SLC35A3: variants seen among roughly 807,000 people sequenced by gnomAD.
SLC35A3 encodes UDP-N-acetylglucosamine transporter.
Under a neutral mutation model 39.0 loss-of-function variants are expected in SLC35A3, and 26 were observed. That is an observed-to-expected ratio of 0.67 (90% CI 0.49 to 0.92). The LOEUF (loss-of-function observed/expected upper bound fraction) is 0.92, where lower values mean the gene tolerates loss of function less well. Among genes scored for constraint, SLC35A3 ranks in the 40% least tolerant of loss-of-function variants. The pLI is 0.00. For synonymous variants in SLC35A3, 135 were observed against 133.1 expected (o/e 1.01, Z -0.10); for missense variants, 299 against 371.6 (o/e 0.80, Z 1.61).
chr1:100,007,282 A>T (rs927066196), intron 4 of SLC35A3, 126 bp downstream of exon 4: 2 of 834,708 alleles, frequency 2.4e-6, no homozygotes, highest in African/African-American at 3.5e-5. Context: ...CACAACTAAC[A>T]TATGTTTTGA....
chr1:99,987,064 A>G (rs901502777), intron 1 of SLC35A3, among the ~76,000 whole-genome samples: 2 of 152,310 alleles, frequency 1.3e-5, no homozygotes, highest in Non-Finnish European at 2.9e-5. Flanking sequence ...CTCTCCTTCC[A>G]TATAGAGATA....
chr1:100,005,856 G>A (rs908519698), intron 3 of SLC35A3, among the ~76,000 whole-genome samples: 2 of 152,022 alleles, frequency 1.3e-5, no homozygotes, highest in African/African-American at 4.8e-5. Context: ...TTTTCATTGG[G>A]ATGTGTTACT....
chr1:99,974,647 C>G (rs1037327779), intron 1 of SLC35A3, among the ~76,000 whole-genome samples: 16 of 152,148 alleles, frequency 1.1e-4, no homozygotes, highest in Non-Finnish European at 1.9e-4. Flanking sequence ...ACAGGCTTTA[C>G]TGCAAAGACT....
intron 1 of SLC35A3, among the ~76,000 whole-genome samples, chr1:99,992,556 T>C (rs1158803144): frequency 6.6e-6 from 1 of 152,180 alleles, no homozygotes; most frequent in Non-Finnish European, 1.5e-5. Flanking sequence ...AGGGTACATA[T>C]GAACTCTTGT....
At chr1:100,002,184 A>G (rs552226791) in intron 3 of SLC35A3, among the ~76,000 whole-genome samples, 7 of 152,176 alleles carry the variant, frequency 4.6e-5, no homozygotes, top group African/African-American at 1.7e-4. Context: ...GTTTGAGGAG[A>G]ATTGGTGTTA....
intron 1 of SLC35A3, among the ~76,000 whole-genome samples, chr1:99,971,245 G>A (rs1487454885): frequency 6.6e-6 from 1 of 151,992 alleles, no homozygotes; most frequent in African/African-American, 2.4e-5. Context: ...TATTATTTAG[G>A]GAGGCTTCAG....
Position 100,028,914 on chromosome 1 carries a change from GT to G in SLC35A3, c.*6439del, listed in dbSNP as rs931055358. The G allele has an allele frequency of 3.9e-5, 6 of 152,252 alleles. No individual in the cohort carries two copies. The highest frequency in any genetic ancestry group is 1.4e-4 in the African/African-American group (6 of 41,450). The allele number at this position is 152,252 out of a possible 1,614,324, so 9.4% of individuals were successfully genotyped here. A position where few individuals can be genotyped will look rare whatever the true frequency, so the allele number is the denominator to read the frequency against. ...TACAAATTAAAACCAGCCAAAGGAA[GT>G]GACACATAAAACAGAGTCTAGGAGT... On this transcript the variant is annotated 3_prime_UTR_variant, in exon 8 of 8. Coordinates refer to ENST00000533028, the MANE Select transcript of SLC35A3 (RefSeq NM_012243.3).
rs1048777728 is a variant in SLC35A3, at chr1:100,035,629, A to G, written c.*13153A>G. On this transcript the variant is annotated 3_prime_UTR_variant, in exon 8 of 8. Transcript: ENST00000533028. The stretch of plus-strand genomic sequence containing the variant: ...CCTGGCATCTAATAAAACACTGACA[A>G]CACAAGCACCCAGTAAATATTTTTT... 2.0e-5 allele frequency: 3 copies of G among 152,238 alleles called. No individual in the cohort carries two copies. Among genetic ancestry groups the G allele is most frequent in the Non-Finnish European group, 4.4e-5 (3 of 68,040 alleles). The allele number at this position is 152,238 out of a possible 1,614,324, so 9.4% of individuals were successfully genotyped here. A position where few individuals can be genotyped will look rare whatever the true frequency, so the allele number is the denominator to read the frequency against.
rs1553205151 is a variant in SLC35A3, at chr1:100,022,457, G to A, written c.959G>A (p.Gly320Glu). 4 of 1,593,808 alleles carry A rather than the reference G, an allele frequency of 2.5e-6. No homozygotes were observed. Among genetic ancestry groups the A allele is most frequent in the Admixed American group, 1.7e-5 (1 of 59,428 alleles). ...TATGGTTATGATCCCAAACCTGCAG[G>A]AAATCCCACTAAAGCATAGTTGTAT... is the stretch of plus-strand genomic sequence containing the variant. ...FLYGYDPKPA[G>E]NPTKA The change falls in exon 8 of 8, where the codon GGA becomes GAA. Residue 320 changes from glycine to glutamate, a missense_variant. By Grantham distance (98) the Gly-to-Glu change is moderately conservative. Coordinates refer to ENST00000533028, the MANE Select transcript of SLC35A3 (RefSeq NM_012243.3).
Position 100,007,997 on chromosome 1 carries a change from G to C in SLC35A3, c.465+841G>C, listed in dbSNP as rs2101323540. 1.3e-5 allele frequency: 2 copies of C among 149,862 alleles called. 1 individual carries two copies. The highest frequency in any genetic ancestry group is 4.2e-4 in the South Asian group (2 of 4,718). 9.3% of individuals were successfully genotyped at this position (149,862 alleles called of 1,614,324 possible). A position where few individuals can be genotyped will look rare whatever the true frequency, so the allele number is the denominator to read the frequency against. Reference sequence around the variant, plus strand: ...GAGATGGAGTCTTGCTCTGTCCCAGGCTGGAAGGCAGTGGTACAATCTCAG... The same window carrying C: ...GAGATGGAGTCTTGCTCTGTCCCAGCCTGGAAGGCAGTGGTACAATCTCAG... On this transcript the variant is annotated intron_variant, in intron 4 of 7. Coordinates refer to ENST00000533028, the MANE Select transcript of SLC35A3 (RefSeq NM_012243.3).
chr1:99,985,941 A>G (rs1657717832), intron 1 of SLC35A3, among the ~76,000 whole-genome samples: 1 of 152,130 alleles, frequency 6.6e-6, no homozygotes, highest in Admixed American at 6.5e-5. Flanking sequence ...ACTTTGCTGA[A>G]TTCATTTATC....
intron 2 of SLC35A3, 36 bp downstream of exon 2, chr1:99,993,777 A>G (rs773053514): frequency 1.0e-5 from 16 of 1,578,096 alleles, no homozygotes; most frequent in Admixed American, 8.5e-5. Context: ...AATCAATGCA[A>G]TTTATTTAGT....
chr1:99,987,361 G>A (rs1385882096), intron 1 of SLC35A3, among the ~76,000 whole-genome samples: 2 of 152,040 alleles, frequency 1.3e-5, no homozygotes, highest in Non-Finnish European at 2.9e-5. Context: ...TCCTCTATTT[G>A]TAACAGAGAT....
At chr1:99,998,072 A>T (rs1372515685) in intron 2 of SLC35A3, among the ~76,000 whole-genome samples, 4 of 152,010 alleles carry the variant, frequency 2.6e-5, no homozygotes, top group African/African-American at 9.7e-5. Context: ...GAAGTGGAAG[A>T]ATAAGCCTTC....
At chr1:99,975,949 A>C (rs752231738) in intron 1 of SLC35A3, among the ~76,000 whole-genome samples, 2 of 152,150 alleles carry the variant, frequency 1.3e-5, no homozygotes, top group African/African-American at 2.4e-5. Context: ...AGGTCCAGCT[A>C]CTTGGGAGGC....
At chr1:100,010,396 TA>T (rs780003884) in intron 4 of SLC35A3, among the ~76,000 whole-genome samples, 14 of 152,196 alleles carry the variant, frequency 9.2e-5, no homozygotes, top group Non-Finnish European at 1.8e-4. Flanking sequence ...AAAATGGTTT[TA>T]AGAAGTCCAG....
At position 100,030,209 on chromosome 1, in the gene SLC35A3, A is replaced by G. The variant is rs190024270; in HGVS notation, c.*7733A>G. 6.6e-6 allele frequency: 1 copy of G among 152,168 alleles called. No homozygotes were observed. The highest frequency in any genetic ancestry group is 1.5e-5 in the Non-Finnish European group (1 of 68,026). 9.4% of individuals were successfully genotyped at this position (152,168 alleles called of 1,614,324 possible). On this transcript the variant is annotated 3_prime_UTR_variant, in exon 8 of 8. Coordinates refer to ENST00000533028, the MANE Select transcript of SLC35A3 (RefSeq NM_012243.3). ...TAGGATTTCTAAAATGTTAGAGGTA[A>G]TTTGTTTAAAACAAATAACATGGTG... is the stretch of plus-strand genomic sequence containing the variant.
intron 2 of SLC35A3, among the ~76,000 whole-genome samples, chr1:99,997,725 A>G (rs1214957076): frequency 2.0e-5 from 3 of 151,364 alleles, no homozygotes; most frequent in South Asian, 2.1e-4. Context: ...ATAATTTACA[A>G]TATGAAGAGA....
chr1:99,976,772 CAA>C (rs1657127737), intron 1 of SLC35A3, among the ~76,000 whole-genome samples: 1 of 152,064 alleles, frequency 6.6e-6, no homozygotes, highest in Admixed American at 6.5e-5. Context: ...CATATGAACA[CAA>C]AGAAGGGGAC....
Sources: allele counts gnomAD v4.1 joint callset (sites outside exome capture counted in the v4.1 genomes callset), GRCh38; gene constraint gnomAD v4.1.1; transcripts MANE v1.5; gene names NCBI Gene and HGNC (gene_info 2026-07-23, HGNC 2026-07-21).